The following GSTZ1 variants were observed in gnomAD, a reference collection of about 807,000 sequenced individuals.
GSTZ1 encodes maleylacetoacetate isomerase.
GSTZ1 carries 34 observed loss-of-function variants against 35.9 expected under a neutral mutation model. The observed-to-expected ratio is 0.95, with a 90% CI of 0.72 to 1.26. GSTZ1 has a LOEUF of 1.26. Among genes scored for constraint, GSTZ1 ranks in the 50% most tolerant of loss-of-function variants. The probability of loss-of-function intolerance (pLI) is 0.00; values close to 1 mark genes in which losing one functional copy is unlikely to be tolerated. For missense variants in GSTZ1, 263 were observed against 271.7 expected, an observed-to-expected ratio of 0.97 and a Z score of 0.23; for synonymous variants, 93 against 101.2, an observed-to-expected ratio of 0.92 and a Z score of 0.49.
chr14:77,330,822 T>C (rs150531134), intron 8 of GSTZ1, among the ~76,000 whole-genome samples: 5 of 152,222 alleles, frequency 3.3e-5, no homozygotes, highest in African/African-American at 1.2e-4. Context: ...AGTCTGTATA[T>C]ATAAATGCCT....
In GSTZ1 at chr14:77,327,538, A is replaced by G; in HGVS notation, c.202A>G (p.Thr68Ala). ...QVPTLKIDGI[T>A]IHQSLAIIEY... ...GCCAACCCTGAAGATTGATGGAATCACCATTCACCAGTCAGTGAGTGCAGG... is the reference window on the plus strand; with the variant it reads ...GCCAACCCTGAAGATTGATGGAATCGCCATTCACCAGTCAGTGAGTGCAGG... The change falls in exon 4 of 9, where the codon ACC (threonine) becomes GCC (alanine). Residue 68 changes from threonine to alanine, a missense_variant. Thr to Ala is a moderately conservative substitution (Grantham distance 58). Coordinates refer to ENST00000216465, the MANE Select transcript of GSTZ1 (RefSeq NM_145870.3). 17 of 1,604,188 alleles carry G rather than the reference A, an allele frequency of 1.1e-5. No homozygotes were observed. Among genetic ancestry groups the G allele is most frequent in the Non-Finnish European group, 1.4e-5 (17 of 1,173,556 alleles).
chr14:77,327,499 C>G lies in GSTZ1; in HGVS notation c.163C>G (p.Pro55Ala). 1 of 1,608,668 alleles carries G rather than the reference C, an allele frequency of 6.2e-7. No homozygotes were observed. The highest frequency in any genetic ancestry group is 8.5e-7 in the Non-Finnish European group (1 of 1,177,070). Residue 55 changes from proline to alanine, a missense_variant, in exon 4 of 9, where the codon CCT (proline) becomes GCT (alanine). Coordinates refer to ENST00000216465, the MANE Select transcript of GSTZ1 (RefSeq NM_145870.3). ...QFSKDFQALNPMKQVPTLKID... is the reference protein window; with the variant it reads ...QFSKDFQALNAMKQVPTLKID... ...TTCTAAGGACTTCCAGGCACTGAAT[C>G]CTATGAAGCAGGTGCCAACCCTGAA...
In GSTZ1 at chr14:77,327,966, CAG is replaced by C; in HGVS notation, c.272_273del (p.Gln91ArgfsTer13). 1 of 1,613,992 alleles carries C rather than the reference CAG, an allele frequency of 6.2e-7. No individual in the cohort carries two copies. The highest frequency in any genetic ancestry group is 8.5e-7 in the Non-Finnish European group (1 of 1,179,876). ...GCGTCCCACTCCGCGACTTCTGCCT[CAG>C]GACCCAAAGAAGAGGGCCAGCGTGC... is the stretch of plus-strand genomic sequence containing the variant. ...EMRPTPRLLP[Q>X]DPKKRASVRM... is the part of the protein sequence containing the mutation. On this transcript the variant is annotated frameshift_variant, in exon 5 of 9. Transcript: ENST00000216465. LOFTEE classifies it high-confidence loss of function.
intron 1 of GSTZ1, chr14:77,324,390 A>G (rs1892195146): frequency 3.4e-6 from 2 of 596,228 alleles, no homozygotes; most frequent in Non-Finnish European, 6.1e-6. Context: ...CAAATGATCC[A>G]CCCACCTTGG....
chr14:77,321,598 C>T (rs1265539890), intron 1 of GSTZ1: 1 of 1,128,532 alleles, frequency 8.9e-7, no homozygotes, highest in South Asian at 1.7e-5. Flanking sequence ...TTTAAGAGTC[C>T]CCGGGCCGGG....
intron 1 of GSTZ1, among the ~76,000 whole-genome samples, chr14:77,321,822 G>T (rs1208637989): frequency 1.3e-5 from 2 of 151,658 alleles, no homozygotes; most frequent in Non-Finnish European, 2.9e-5. Context: ...GGCGGAGCTT[G>T]CAGTGAGCCG....
chr14:77,321,093 CACTG>C lies in GSTZ1; in HGVS notation c.-74_-71del, dbSNP rs1891903445. ...GACACGGGCCTGATTCGTCGAGTCT[CACTG>C]AGCCTTAGTCGTCGGCAGGTCCCAG... is the stretch of plus-strand genomic sequence containing the variant. On this transcript the variant is annotated 5_prime_UTR_variant, in exon 1 of 9. Coordinates refer to ENST00000216465, the MANE Select transcript of GSTZ1 (RefSeq NM_145870.3). 7.3e-7 allele frequency: 1 copy of C among 1,379,210 alleles called. No homozygotes were observed. The highest frequency in any genetic ancestry group is 1.5e-5 in the South Asian group (1 of 66,528). The allele number at this position is 1,379,210 out of a possible 1,614,324, so 85.4% of individuals were successfully genotyped here.
chr14:77,330,268 G>A (rs376677216), intron 7 of GSTZ1, 42 bp from the exon 8 acceptor site: 164 of 1,440,052 alleles, frequency 1.1e-4, no homozygotes, highest in Admixed American at 3.2e-4. Context: ...CACTGACTCT[G>A]GGGTATGCAC....
At chr14:77,321,451 G>A (rs550205936) in intron 1 of GSTZ1, 1 of 1,516,550 alleles carries the variant, frequency 6.6e-7, no homozygotes, top group Non-Finnish European at 8.8e-7. Flanking sequence ...CTTCTGCTCC[G>A]CCCTCCCTGC....
Position 77,321,053 on chromosome 14 carries a change from T to A in GSTZ1, c.-116T>A, listed in dbSNP as rs1891896679. The A allele has an allele frequency of 1.7e-6, 2 of 1,166,498 alleles. No homozygotes were observed. The highest frequency in any genetic ancestry group is 2.4e-6 in the Non-Finnish European group (2 of 850,678). 72.3% of individuals were successfully genotyped at this position (1,166,498 alleles called of 1,614,324 possible). A position where few individuals can be genotyped will look rare whatever the true frequency, so the allele number is the denominator to read the frequency against. ...GGATCTTTCTAGTCCAGCCCCTCGC[T>A]TTACCCGGACGAAAGACACGGGCCT... On this transcript the variant is annotated 5_prime_UTR_variant, in exon 1 of 9. Transcript: ENST00000216465.
intron 6 of GSTZ1, 178 bp downstream of exon 6, chr14:77,329,379 C>G (rs187348145): frequency 2.7e-4 from 168 of 620,746 alleles, no homozygotes; most frequent in African/African-American, 2.7e-3. Context: ...TTAGCTCCAG[C>G]ACTTCTGGGA....
chr14:77,327,906 G>A lies in GSTZ1; in HGVS notation c.217-6G>A, dbSNP rs2139576544. ...TCTCCCTGCCTCACTGCTCCCCTCT[G>A]GACAGCTGGCCATCATTGAGTATCT... On this transcript the variant is annotated splice_region_variant and splice_polypyrimidine_tract_variant and intron_variant, in intron 4 of 8. Coordinates refer to ENST00000216465, the MANE Select transcript of GSTZ1 (RefSeq NM_145870.3). The A allele has an allele frequency of 6.2e-7, 1 of 1,613,792 alleles. No homozygotes were observed. Among genetic ancestry groups the A allele is most frequent in the Non-Finnish European group, 8.5e-7 (1 of 1,179,892 alleles).
chr14:77,328,287 G>A (rs1397497791), intron 5 of GSTZ1: 4 of 510,870 alleles, frequency 7.8e-6, no homozygotes, highest in Non-Finnish European at 1.4e-5. Context: ...CTTGGGGTGG[G>A]GAAAGGGCCA....
At chr14:77,326,701 A>G in intron 2 of GSTZ1, 137 bp from the exon 3 acceptor site, 1 of 626,828 alleles carries the variant, frequency 1.6e-6, no homozygotes, top group Admixed American at 2.6e-5. Context: ...GGATAGTGCC[A>G]CGGTGAGCCT....
intron 3 of GSTZ1, 65 bp from the exon 4 acceptor site, chr14:77,327,407 T>C: frequency 1.0e-6 from 1 of 980,218 alleles, no homozygotes; most frequent in Non-Finnish European, 1.6e-6. Context: ...TTCTCCTGCT[T>C]GCTTGGCTTT....
chr14:77,330,245 C>T (rs764118656), intron 7 of GSTZ1, 65 bp from the exon 8 acceptor site: 1 of 1,121,888 alleles, frequency 8.9e-7, no homozygotes, highest in Non-Finnish European at 1.4e-6. Flanking sequence ...GCAGTGGACA[C>T]ACCCAGTCCA....
At chr14:77,329,281 A>C in intron 6 of GSTZ1, 80 bp downstream of exon 6, 1 of 969,330 alleles carries the variant, frequency 1.0e-6, no homozygotes, top group Non-Finnish European at 1.7e-6. Context: ...TGGGTATCTG[A>C]ACCAGCCTCC....
At chr14:77,330,556 C>T (rs1480596962) in intron 8 of GSTZ1, among the ~76,000 whole-genome samples, 197 bp downstream of exon 8, 1 of 152,192 alleles carries the variant, frequency 6.6e-6, no homozygotes, top group African/African-American at 2.4e-5. Context: ...CACCACAGCC[C>T]AGATGAACCT....
chr14:77,322,796 A>C, intron 1 of GSTZ1: 1 of 742,330 alleles, frequency 1.3e-6, no homozygotes, highest in Non-Finnish European at 1.6e-6. Flanking sequence ...CTAGGTTCCC[A>C]CTTACACCCT....
Sources: allele counts gnomAD v4.1 joint callset (sites outside exome capture counted in the v4.1 genomes callset), GRCh38; gene constraint gnomAD v4.1.1; transcripts MANE v1.5; gene names NCBI Gene and HGNC (gene_info 2026-07-23, HGNC 2026-07-21).